SH3PXD2A: variants seen among roughly 807,000 people sequenced by gnomAD.
The protein encoded by SH3PXD2A is SH3 and PX domains 2A, also known as SH3 and PX domain-containing protein 2A.
In SH3PXD2A, 32 loss-of-function variants were observed where a neutral mutation model predicts 115.2. The observed-to-expected ratio is 0.28, with a 90% CI of 0.21 to 0.37. The LOEUF is 0.37. Among genes scored for constraint, SH3PXD2A ranks in the 10% least tolerant of loss-of-function variants. The probability of loss-of-function intolerance (pLI) is 1.00; values close to 1 mark genes in which losing one functional copy is unlikely to be tolerated. For missense variants in SH3PXD2A, 1,328 were observed against 1,498.7 expected (o/e 0.89, Z 1.88); for synonymous variants, 610 against 629.1 (o/e 0.97, Z 0.45).
chr10:103,805,240 T>C (rs2039190274), intron 1 of SH3PXD2A, among the ~76,000 whole-genome samples: 1 of 152,252 alleles, frequency 6.6e-6, no homozygotes, highest in Non-Finnish European at 1.5e-5. Context: ...ACCTCTCCTT[T>C]AGCAGAGGAG....
At chr10:103,661,783 A>T (rs2037308484) in intron 7 of SH3PXD2A, 2 of 985,128 alleles carry the variant, frequency 2.0e-6, no homozygotes, top group African/African-American at 3.5e-5. Flanking sequence ...CCTTAAATAG[A>T]AACACATGAG....
At chr10:103,841,154 G>C (rs2039593689) in intron 1 of SH3PXD2A, among the ~76,000 whole-genome samples, 2 of 152,216 alleles carry the variant, frequency 1.3e-5, no homozygotes, top group African/African-American at 4.8e-5. Context: ...AGGGGCTTTA[G>C]TAGAATGAAG....
chr10:103,645,632 G>C (rs880869), intron 8 of SH3PXD2A, among the ~76,000 whole-genome samples: 1 of 152,040 alleles, frequency 6.6e-6, no homozygotes, highest in African/African-American at 2.4e-5. Context: ...CACCAGGAAC[G>C]GGCCGACATT....
intron 1 of SH3PXD2A, among the ~76,000 whole-genome samples, chr10:103,836,565 C>G (rs61861112): frequency 0.11 from 16,899 of 151,610 alleles, 966 homozygotes; most frequent in East Asian, 0.16. Flanking sequence ...CACATCCATA[C>G]ACACACAACA....
intron 2 of SH3PXD2A, among the ~76,000 whole-genome samples, chr10:103,798,536 T>C (rs982128617): frequency 4.6e-5 from 7 of 152,172 alleles, no homozygotes; most frequent in African/African-American, 1.7e-4. Context: ...AAATTGTATG[T>C]ATCCACTCTT....
chr10:103,846,894 C>T (rs972138776), intron 1 of SH3PXD2A, among the ~76,000 whole-genome samples: 2 of 152,208 alleles, frequency 1.3e-5, no homozygotes, highest in Non-Finnish European at 1.5e-5. Flanking sequence ...TCATCAGCTG[C>T]GTGGCATCTG....
Position 103,681,060 on chromosome 10 carries a change from C to T in SH3PXD2A, c.427+11968G>A, listed in dbSNP as rs567543015. On this transcript the variant is annotated intron_variant, in intron 6 of 14. Transcript: ENST00000369774. ...CCAGTGACTTTCTGGCCGTGGGCCA[C>T]GGTGGGAAACATTTCTTTGCTGGAC... Among the ~76,000 whole-genome samples, 10 of 152,322 alleles carry T rather than the reference C, an allele frequency of 6.6e-5. No individual in the cohort carries two copies. The South Asian group carries it at 1.2e-3, about 19-fold the overall frequency.
At chr10:103,742,270 C>A (rs2038452339) in intron 3 of SH3PXD2A, among the ~76,000 whole-genome samples, 1 of 152,212 alleles carries the variant, frequency 6.6e-6, no homozygotes, top group African/African-American at 2.4e-5. Flanking sequence ...TGCACCTCTT[C>A]TAGCTTCTGA....
chr10:103,658,710 C>T (rs1417441865), intron 8 of SH3PXD2A, among the ~76,000 whole-genome samples: 2 of 152,204 alleles, frequency 1.3e-5, no homozygotes, highest in African/African-American at 2.4e-5. Context: ...GGTAAAGATA[C>T]GAAACTCCCA....
chr10:103,687,472 C>T lies in SH3PXD2A; in HGVS notation c.427+5556G>A, dbSNP rs143905570. On this transcript the variant is annotated intron_variant, in intron 6 of 14. Coordinates refer to ENST00000369774, the MANE Select transcript of SH3PXD2A (RefSeq NM_001394015.1). Reference sequence around the variant, plus strand: ...GAGTGGGACCCCAGGCAACCTGATGCAGTTGTTTCCCAGCTCCCACACAAA... The same window carrying T: ...GAGTGGGACCCCAGGCAACCTGATGTAGTTGTTTCCCAGCTCCCACACAAA... Among the ~76,000 whole-genome samples the T allele has an allele frequency of 2.1e-3, 322 of 152,256 alleles. 6 individuals are homozygous for T. Among genetic ancestry groups the T allele is most frequent in the Admixed American group, 0.019 (298 of 15,286 alleles).
intron 6 of SH3PXD2A, chr10:103,678,148 G>C: frequency 7.8e-7 from 1 of 1,289,094 alleles, no homozygotes; most frequent in Non-Finnish European, 1.0e-6. Context: ...GGAACGACCC[G>C]TTCATGTGTA....
At chr10:103,645,662 T>G (rs2037024989) in intron 8 of SH3PXD2A, among the ~76,000 whole-genome samples, 1 of 151,518 alleles carries the variant, frequency 6.6e-6, no homozygotes, top group African/African-American at 2.4e-5. Flanking sequence ...ATGCAGGGGG[T>G]GCCACTAGCA....
intron 8 of SH3PXD2A, among the ~76,000 whole-genome samples, chr10:103,638,796 A>G (rs977294361): frequency 6.6e-6 from 1 of 152,264 alleles, no homozygotes; most frequent in Non-Finnish European, 1.5e-5. Flanking sequence ...GAAATTCTAA[A>G]GAAGGAACCA....
chr10:103,704,049 C>T (rs979781247), intron 5 of SH3PXD2A, among the ~76,000 whole-genome samples: 5 of 152,206 alleles, frequency 3.3e-5, no homozygotes, highest in Non-Finnish European at 7.3e-5. Context: ...CAGTCAGGCT[C>T]AGTAACAGGG....
At chr10:103,797,454 G>T (rs988234876) in intron 2 of SH3PXD2A, among the ~76,000 whole-genome samples, 4 of 152,020 alleles carry the variant, frequency 2.6e-5, no homozygotes, top group Non-Finnish European at 5.9e-5. Context: ...CCGGTGAACA[G>T]CTCCTCAATG....
chr10:103,820,884 C>T (rs891539184), intron 1 of SH3PXD2A, among the ~76,000 whole-genome samples: 7 of 152,102 alleles, frequency 4.6e-5, no homozygotes, highest in Admixed American at 2.0e-4. Context: ...GGGTCAGGGC[C>T]GGGGAGAAAC....
intron 5 of SH3PXD2A, among the ~76,000 whole-genome samples, chr10:103,700,829 C>T (rs1209801373): frequency 2.0e-5 from 3 of 152,142 alleles, no homozygotes; most frequent in African/African-American, 4.8e-5. Flanking sequence ...CCTAGGGAAC[C>T]ATGGGAGGGG....
intron 1 of SH3PXD2A, among the ~76,000 whole-genome samples, chr10:103,809,608 C>T (rs1205358284): frequency 6.6e-6 from 1 of 152,176 alleles, no homozygotes; most frequent in Non-Finnish European, 1.5e-5. Flanking sequence ...CCATCACACT[C>T]AGTGCCTGCC....
At chr10:103,650,095 G>A (rs978187915) in intron 8 of SH3PXD2A, among the ~76,000 whole-genome samples, 3 of 152,202 alleles carry the variant, frequency 2.0e-5, no homozygotes, top group Non-Finnish European at 4.4e-5. Context: ...GCACAGGGAT[G>A]GGGAGGTGCC....
Sources: allele counts gnomAD v4.1 joint callset (sites outside exome capture counted in the v4.1 genomes callset), GRCh38; gene constraint gnomAD v4.1.1; transcripts MANE v1.5; gene names NCBI Gene and HGNC (gene_info 2026-07-23, HGNC 2026-07-21).